Variants in GSDMC observed in about 807,000 individuals in gnomAD.
The protein encoded by GSDMC is gasdermin C, also known as gasdermin-C.
In GSDMC, 59 loss-of-function variants were observed where a neutral mutation model predicts 58.0. That is an observed-to-expected ratio of 1.02 (90% confidence interval 0.82 to 1.26). The LOEUF is 1.26. Ranked by LOEUF, GSDMC falls within the 50% of genes most tolerant of loss-of-function variation. The pLI is 0.00. For synonymous variants in GSDMC, 241 were observed against 220.2 expected (o/e 1.09, Z -0.83); for missense variants, 659 against 598.5 (o/e 1.10, Z -1.06).
At chr8:129,730,076 A>G in the GSDMC span, 4 of 1,076,658 alleles carry the variant, frequency 3.7e-6, no homozygotes, top group Non-Finnish European at 5.3e-6. Flanking sequence ...AGATTTTTCT[A>G]TTAAAACTTT....
chr8:129,784,571 T>TCTAAAAGACATTTTTAGATATCTAAAAGA (rs2034504067), intron 1 of GSDMC, among the ~76,000 whole-genome samples: 1 of 152,152 alleles, frequency 6.6e-6, no homozygotes. Flanking sequence ...TTAAAATGGC[T>TCTAAAAGACATTTTTAGATATCTAAAAGA]TATATCTAAA....
At chr8:129,778,414 A>T (rs1412133647) in intron 1 of GSDMC, among the ~76,000 whole-genome samples, 2 of 152,184 alleles carry the variant, frequency 1.3e-5, no homozygotes, top group Admixed American at 6.5e-5. Flanking sequence ...TAAGCAGAAG[A>T]GTGAAAATGG....
intron 1 of GSDMC, 146 bp from the exon 2 acceptor site, chr8:129,777,737 T>C (rs917959543): frequency 1.6e-5 from 10 of 616,018 alleles, no homozygotes; most frequent in Admixed American, 2.8e-5. Flanking sequence ...ATTATAACTT[T>C]CTCAACTTTG....
At chr8:129,723,971 CTAAT>C in the GSDMC span, among the ~76,000 whole-genome samples, 1 of 152,156 alleles carries the variant, frequency 6.6e-6, no homozygotes, top group East Asian at 1.9e-4. Context: ...GTTGAATTAA[CTAAT>C]TAATTAATAT....
the GSDMC span, among the ~76,000 whole-genome samples, chr8:129,708,654 G>T: frequency 1.3e-5 from 2 of 152,374 alleles, no homozygotes; most frequent in Middle Eastern, 3.4e-3. Flanking sequence ...AATGGATTCG[G>T]CACTGGCCAC....
chr8:129,758,735 G>T (rs969407801), intron 6 of GSDMC, among the ~76,000 whole-genome samples: 2 of 152,014 alleles, frequency 1.3e-5, no homozygotes, highest in African/African-American at 4.8e-5. Context: ...AAAGTGAAAA[G>T]ATATTCCATG....
In GSDMC at chr8:129,777,588, G is replaced by A. The variant is rs538187751; in HGVS notation, c.-1C>T. The stretch of plus-strand genomic sequence containing the variant: ...TAATGCGTTCCAACATGGAGGGCAT[G>A]TTGCTAGGAGGAGATGAAAGGAGAG... On this transcript the variant is annotated 5_prime_UTR_variant, in exon 2 of 14. Transcript: ENST00000276708. The A allele has an allele frequency of 4.5e-6, 7 of 1,548,310 alleles. No individual in the cohort carries two copies. In the South Asian group the frequency reaches 7.8e-5, roughly 17 times the overall value.
chr8:129,733,119 G>A, the GSDMC span, among the ~76,000 whole-genome samples: 7 of 152,226 alleles, frequency 4.6e-5, no homozygotes, highest in East Asian at 1.9e-4. Flanking sequence ...GGAGGTGTCC[G>A]CCATTGCTGA....
At chr8:129,753,156 C>T (rs537185475) in intron 6 of GSDMC, among the ~76,000 whole-genome samples, 1 of 152,330 alleles carries the variant, frequency 6.6e-6, no homozygotes, top group African/African-American at 2.4e-5. Flanking sequence ...AAAGAGACAC[C>T]AGCTGGGGTG....
At chr8:129,724,598 A>C in the GSDMC span, among the ~76,000 whole-genome samples, 1 of 151,688 alleles carries the variant, frequency 6.6e-6, no homozygotes, top group Non-Finnish European at 1.5e-5. Context: ...AATGAGTAAC[A>C]ACTCACTTAA....
At chr8:129,717,155 T>C in the GSDMC span, among the ~76,000 whole-genome samples, 1 of 152,002 alleles carries the variant, frequency 6.6e-6, no homozygotes, top group Non-Finnish European at 1.5e-5. Flanking sequence ...GAGGAGCCCC[T>C]CTTTTTCTAT....
chr8:129,777,880 T>C (rs2034290703), intron 1 of GSDMC, among the ~76,000 whole-genome samples: 1 of 152,164 alleles, frequency 6.6e-6, no homozygotes, highest in South Asian at 2.1e-4. Flanking sequence ...CCATCACACC[T>C]GGCTTCCAAC....
At chr8:129,741,131 T>C in the GSDMC span, among the ~76,000 whole-genome samples, 2 of 152,194 alleles carry the variant, frequency 1.3e-5, no homozygotes, top group Non-Finnish European at 2.9e-5. Flanking sequence ...TCTTGGCACT[T>C]TTGTTGAAAA....
chr8:129,738,048 A>G, the GSDMC span, among the ~76,000 whole-genome samples: 1 of 152,270 alleles, frequency 6.6e-6, no homozygotes, highest in Non-Finnish European at 1.5e-5. Flanking sequence ...TGCAGCCAAC[A>G]GACAGACATG....
At chr8:129,717,731 GAACAAA>G in the GSDMC span, among the ~76,000 whole-genome samples, 1 of 152,020 alleles carries the variant, frequency 6.6e-6, no homozygotes, top group East Asian at 1.9e-4. Flanking sequence ...TAAGCAAAAA[GAACAAA>G]GCTGGAGGCA....
intron 3 of GSDMC, among the ~76,000 whole-genome samples, chr8:129,770,946 T>C (rs1050279068): frequency 6.6e-6 from 1 of 151,482 alleles, no homozygotes; most frequent in South Asian, 2.1e-4. Flanking sequence ...AAAGAAATTC[T>C]AATGCACAAG....
At chr8:129,756,908 TA>T (rs2130394194) in intron 6 of GSDMC, among the ~76,000 whole-genome samples, 2 of 151,962 alleles carry the variant, frequency 1.3e-5, no homozygotes, top group African/African-American at 4.8e-5. Context: ...AGCAAAGCAG[TA>T]CAAAGAGGCA....
chr8:129,779,248 G>T lies in GSDMC; in HGVS notation c.-4-1657C>A, dbSNP rs964865950. The stretch of plus-strand genomic sequence containing the variant: ...CTATGGACTAGATAAAGAAAACGCG[G>T]TACATATACCTCATGGAATACTATG... On this transcript the variant is annotated intron_variant, in intron 1 of 13. Coordinates refer to ENST00000276708, the MANE Select transcript of GSDMC (RefSeq NM_031415.3). Among the ~76,000 whole-genome samples the T allele has an allele frequency of 3.3e-5, 5 of 152,082 alleles. 1 individual carries two copies. Among genetic ancestry groups the T allele is most frequent in the Admixed American group, 3.3e-4 (5 of 15,260 alleles).
At chr8:129,709,444 C>A in the GSDMC span, among the ~76,000 whole-genome samples, 3 of 151,344 alleles carry the variant, frequency 2.0e-5, no homozygotes, top group Admixed American at 2.0e-4. Context: ...TGATAGATGG[C>A]TAGATATAAA....
Sources: allele counts gnomAD v4.1 joint callset (sites outside exome capture counted in the v4.1 genomes callset), GRCh38; gene constraint gnomAD v4.1.1; transcripts MANE v1.5; gene names NCBI Gene and HGNC (gene_info 2026-07-23, HGNC 2026-07-21).